Variants in MAP7 observed in about 807,000 individuals in gnomAD.
MAP7 encodes the protein ensconsin.
MAP7 carries 52 observed loss-of-function variants against 94.8 expected under a neutral mutation model. That is an observed-to-expected ratio of 0.55 (90% CI 0.44 to 0.69). MAP7 has a LOEUF of 0.69. Among genes scored for constraint, MAP7 ranks in the 30% least tolerant of loss-of-function variants. The pLI is 0.00. For synonymous variants in MAP7, 350 were observed against 357.0 expected, an observed-to-expected ratio of 0.98 and a Z score of 0.22; for missense variants, 940 against 964.6, an observed-to-expected ratio of 0.97 and a Z score of 0.34.
At chr6:136,436,516 A>G (rs1796418324) in intron 1 of MAP7, among the ~76,000 whole-genome samples, 2 of 148,068 alleles carry the variant, frequency 1.4e-5, no homozygotes, top group South Asian at 4.1e-4. Context: ...AGTAGCTGGG[A>G]CTACAGGAAC....
At chr6:136,522,466 T>C (rs1826669735) in intron 1 of MAP7, among the ~76,000 whole-genome samples, 1 of 152,110 alleles carries the variant, frequency 6.6e-6, no homozygotes, top group Non-Finnish European at 1.5e-5. Context: ...TATTTGATGT[T>C]TGCCCAACAG....
At chr6:136,465,905 GA>G (rs998204172) in intron 1 of MAP7, among the ~76,000 whole-genome samples, 3 of 152,056 alleles carry the variant, frequency 2.0e-5, no homozygotes, top group Non-Finnish European at 4.4e-5. Context: ...TGTTATCTGT[GA>G]AAATGAAGAT....
At chr6:136,462,169 T>TAAAA (rs35449742) in intron 1 of MAP7, among the ~76,000 whole-genome samples, 4 of 137,284 alleles carry the variant, frequency 2.9e-5, no homozygotes, top group African/African-American at 8.1e-5. Context: ...ACCCTTCTCT[T>TAAAA]AAAAAAAAAA....
intron 1 of MAP7, among the ~76,000 whole-genome samples, chr6:136,499,162 C>T (rs1196846001): frequency 6.6e-6 from 1 of 152,046 alleles, no homozygotes; most frequent in Non-Finnish European, 1.5e-5. Context: ...TCAGGTGATC[C>T]GCCTGCCTTG....
At chr6:136,445,014 T>C (rs1011035769) in intron 1 of MAP7, among the ~76,000 whole-genome samples, 2 of 152,194 alleles carry the variant, frequency 1.3e-5, no homozygotes, top group African/African-American at 4.8e-5. Flanking sequence ...GGTCTCTCCA[T>C]TTTCATATAA....
chr6:136,546,801 C>T (rs1211213893), intron 1 of MAP7, among the ~76,000 whole-genome samples: 1 of 152,152 alleles, frequency 6.6e-6, no homozygotes, highest in Non-Finnish European at 1.5e-5. Context: ...AATAACTCTT[C>T]CAAATGATTG....
In MAP7 at chr6:136,477,139, T is replaced by TA. The variant is rs1811186561; in HGVS notation, c.68-55341dup. On this transcript the variant is annotated intron_variant, in intron 1 of 17. Transcript: ENST00000354570. ...CCTGATAGTGGAGAAACTTAGCAGATACCACCTCAAACACGTGATGGAGGT... is the reference window on the plus strand; with the variant it reads ...CCTGATAGTGGAGAAACTTAGCAGATAACCACCTCAAACACGTGATGGAGGT... 2.6e-5 allele frequency among the ~76,000 whole-genome samples: 4 copies of TA among 152,324 alleles called. No individual in the cohort carries two copies. In the East Asian group the frequency reaches 7.7e-4, roughly 29 times the overall value.
chr6:136,371,744 G>A (rs1419606900), intron 8 of MAP7, among the ~76,000 whole-genome samples: 3 of 152,186 alleles, frequency 2.0e-5, no homozygotes, highest in African/African-American at 7.2e-5. Flanking sequence ...AAAGACCACA[G>A]AACAAGGTTT....
chr6:136,488,645 A>G (rs1815561557), intron 1 of MAP7, among the ~76,000 whole-genome samples: 1 of 151,936 alleles, frequency 6.6e-6, no homozygotes, highest in Admixed American at 6.6e-5. Flanking sequence ...GGGTTTCACC[A>G]TGTTGGCCAG....
chr6:136,392,923 A>T (rs1781204446), intron 3 of MAP7, among the ~76,000 whole-genome samples: 1 of 152,242 alleles, frequency 6.6e-6, no homozygotes, highest in Non-Finnish European at 1.5e-5. Flanking sequence ...CTCTCCTATA[A>T]GAGATCCAGA....
At chr6:136,478,160 T>C (rs866455854) in intron 1 of MAP7, among the ~76,000 whole-genome samples, 1 of 152,178 alleles carries the variant, frequency 6.6e-6, no homozygotes, top group South Asian at 2.1e-4. Context: ...GGAAAGTTTA[T>C]AGCACTAAGT....
rs573981936 is a variant in MAP7 at position 136,351,595 on chromosome 6, C to G, written c.2015+5097G>C. 1.1e-4 allele frequency among the ~76,000 whole-genome samples: 17 copies of G among 152,292 alleles called. 2 individuals are homozygous for G. The South Asian group carries it at 3.5e-3, about 32-fold the overall frequency. On this transcript the variant is annotated intron_variant, in intron 16 of 17. Transcript: ENST00000354570. ...GTAAAACTAGGGATCCAGCCTGGAA[C>G]TTTTGGTTCTGAAGCTCTTTTTCCT...
At chr6:136,403,588 G>A (rs907620546) in intron 3 of MAP7, among the ~76,000 whole-genome samples, 10 of 152,190 alleles carry the variant, frequency 6.6e-5, no homozygotes. Flanking sequence ...GCATCCAAAT[G>A]TGAAGGTCCT....
intron 11 of MAP7, among the ~76,000 whole-genome samples, 190 bp downstream of exon 11, chr6:136,362,260 A>T (rs1793036533): frequency 6.6e-6 from 1 of 152,052 alleles, no homozygotes; most frequent in South Asian, 2.1e-4. Flanking sequence ...ATTTCTATTT[A>T]AAAAAAAGAA....
intron 1 of MAP7, among the ~76,000 whole-genome samples, chr6:136,422,851 T>C (rs772966052): frequency 2.6e-5 from 4 of 152,228 alleles, no homozygotes; most frequent in Non-Finnish European, 5.9e-5. Flanking sequence ...TCAGTCTTTT[T>C]CTTCTTCAAT....
intron 1 of MAP7, among the ~76,000 whole-genome samples, chr6:136,496,290 G>T (rs1055327006): frequency 2.0e-5 from 3 of 152,180 alleles, no homozygotes; most frequent in Admixed American, 1.3e-4. Context: ...AGAAGCCTTA[G>T]TTGTCACAAA....
chr6:136,394,450 C>T (rs757030304), intron 3 of MAP7, among the ~76,000 whole-genome samples: 19 of 151,722 alleles, frequency 1.3e-4, no homozygotes, highest in Non-Finnish European at 1.8e-4. Context: ...TTTTTATTGA[C>T]GTAGAATAAC....
chr6:136,526,294 C>CAT lies in MAP7; in HGVS notation c.67+24047_67+24048insAT, dbSNP rs1375776068. 5 of 1,040,416 alleles carry CAT rather than the reference C, an allele frequency of 4.8e-6. No individual in the cohort carries two copies. In the Admixed American group the frequency reaches 1.6e-4, roughly 33 times the overall value. The allele number at this position is 1,040,416 out of a possible 1,614,324, so 64.4% of individuals were successfully genotyped here. On this transcript the variant is annotated intron_variant, in intron 1 of 17. Transcript: ENST00000354570. Reference sequence around the variant, plus strand: ...ACGCGCGCGCACACACACACACACACACACACTCCTTCCAGAAAAGCCCTA... The same window carrying CAT: ...ACGCGCGCGCACACACACACACACACATACACACTCCTTCCAGAAAAGCCCTA...
chr6:136,401,026 T>C (rs181793465), intron 3 of MAP7, among the ~76,000 whole-genome samples: 35 of 152,242 alleles, frequency 2.3e-4, no homozygotes, highest in African/African-American at 7.7e-4. Context: ...AACACATCCA[T>C]ATAATTGGTC....
Sources: gnomAD v4.1 joint callset for allele counts (sites outside exome capture counted in the v4.1 genomes callset) on GRCh38, gnomAD v4.1.1 for gene constraint, MANE v1.5 for transcripts, NCBI Gene and HGNC (gene_info 2026-07-23, HGNC 2026-07-21) for gene names.